The following MYRFL variants were observed in gnomAD, a reference collection of about 807,000 sequenced individuals.
The protein encoded by MYRFL is myelin regulatory factor like, also known as myelin regulatory factor-like protein.
MYRFL carries 88 observed loss-of-function variants against 109.4 expected under a neutral mutation model. The ratio of observed to expected loss-of-function variants is 0.80; its 90% CI spans 0.68 to 0.96. The LOEUF is 0.96. Among genes scored for constraint, MYRFL ranks in the 40% least tolerant of loss-of-function variants. MYRFL has a pLI of 0.00. For missense variants in MYRFL, 957 were observed against 954.9 expected, an observed-to-expected ratio of 1.00 and a Z score of -0.03; for synonymous variants, 324 against 320.9, an observed-to-expected ratio of 1.01 and a Z score of -0.10.
At chr12:69,828,812 A>G (rs1441076549) in intron 1 of MYRFL, among the ~76,000 whole-genome samples, 1 of 152,130 alleles carries the variant, frequency 6.6e-6, no homozygotes, top group Non-Finnish European at 1.5e-5. Flanking sequence ...AATTTGTACT[A>G]TCTTGATATC....
chr12:69,855,093 T>A (rs1015846156), intron 1 of MYRFL, among the ~76,000 whole-genome samples, 187 bp from the exon 2 acceptor site: 4 of 152,230 alleles, frequency 2.6e-5, no homozygotes, highest in Admixed American at 1.3e-4. Context: ...CCAACAAAAC[T>A]GCCATCCATC....
At chr12:69,882,810 A>C (rs1886212859) in intron 5 of MYRFL, among the ~76,000 whole-genome samples, 1 of 152,148 alleles carries the variant, frequency 6.6e-6, no homozygotes, top group African/African-American at 2.4e-5. Context: ...CTCAAATACA[A>C]AAGGGTTTTC....
At chr12:69,935,397 C>A (rs1955416163) in intron 16 of MYRFL, among the ~76,000 whole-genome samples, 1 of 152,096 alleles carries the variant, frequency 6.6e-6, no homozygotes, top group South Asian at 2.1e-4. Flanking sequence ...AAGATGTCCC[C>A]CAAAGAGGAG....
chr12:69,934,819 C>A (rs1955394957), intron 16 of MYRFL, among the ~76,000 whole-genome samples: 2 of 152,080 alleles, frequency 1.3e-5, no homozygotes, highest in South Asian at 2.1e-4. Flanking sequence ...GCACGGCAGG[C>A]CATAGGTAGT....
chr12:69,903,524 A>G, intron 10 of MYRFL, 120 bp from the exon 11 acceptor site: 2 of 1,132,842 alleles, frequency 1.8e-6, no homozygotes, highest in Non-Finnish European at 2.5e-6. Flanking sequence ...CCCACTCAAT[A>G]CAGGATTCTC....
chr12:69,877,936 AT>A (rs1885789158), intron 2 of MYRFL, among the ~76,000 whole-genome samples: 1 of 152,162 alleles, frequency 6.6e-6, no homozygotes, highest in Non-Finnish European at 1.5e-5. Context: ...GGTAGTACAC[AT>A]TTTTTTAAAA....
At chr12:69,846,296 G>A (rs558819446) in intron 1 of MYRFL, among the ~76,000 whole-genome samples, 579 of 150,540 alleles carry the variant, frequency 3.8e-3, no homozygotes, top group Non-Finnish European at 5.7e-3. Context: ...CCATTAACTC[G>A]TCATTTAGCA....
chr12:69,955,507 A>G (rs1393970523), intron 22 of MYRFL, 70 bp downstream of exon 22: 5 of 538,890 alleles, frequency 9.3e-6, no homozygotes, highest in African/African-American at 1.9e-5. Context: ...GATTTACTTC[A>G]CAATTTGGTC....
chr12:69,889,699 T>C, intron 6 of MYRFL, among the ~76,000 whole-genome samples: 1 of 151,970 alleles, frequency 6.6e-6, no homozygotes, highest in East Asian at 1.9e-4. Context: ...ACTAAAAAAA[T>C]ACAAAAATTG....
At chr12:69,849,945 TC>T (rs1883782415) in intron 1 of MYRFL, among the ~76,000 whole-genome samples, 1 of 152,176 alleles carries the variant, frequency 6.6e-6, no homozygotes, top group African/African-American at 2.4e-5. Flanking sequence ...GTGGTTTGGC[TC>T]TGTGTCCCCA....
At chr12:69,887,584 G>A (rs10879030) in intron 6 of MYRFL, among the ~76,000 whole-genome samples, 48,597 of 151,988 alleles carry the variant, frequency 0.32, 8,070 homozygotes, top group African/African-American at 0.37. Flanking sequence ...ACATCCTTTA[G>A]ACTTCTTTAT....
chr12:69,928,329 A>G (rs1344029668), intron 15 of MYRFL, among the ~76,000 whole-genome samples: 1 of 152,208 alleles, frequency 6.6e-6, no homozygotes, highest in Non-Finnish European at 1.5e-5. Flanking sequence ...GAGAAATATC[A>G]GTAAGGAAGA....
intron 2 of MYRFL, among the ~76,000 whole-genome samples, chr12:69,855,933 C>A (rs529611717): frequency 1.3e-5 from 2 of 152,158 alleles, no homozygotes; most frequent in South Asian, 4.1e-4. Flanking sequence ...TATAGGCACT[C>A]TGGCCTTTTT....
intron 10 of MYRFL, among the ~76,000 whole-genome samples, chr12:69,901,648 A>G (rs1954184039): frequency 6.6e-6 from 1 of 152,178 alleles, no homozygotes; most frequent in Non-Finnish European, 1.5e-5. Flanking sequence ...TATGTTCAAA[A>G]TAGAGAAAAA....
intron 1 of MYRFL, among the ~76,000 whole-genome samples, chr12:69,851,340 A>C (rs1883864123): frequency 6.6e-6 from 1 of 152,222 alleles, no homozygotes; most frequent in African/African-American, 2.4e-5. Flanking sequence ...TTATTTCTAA[A>C]ATCAAAGTTG....
At position 69,891,159 on chromosome 12, in the gene MYRFL, G is replaced by T. The variant is rs1203114281; in HGVS notation, c.896G>T (p.Gly299Val). 1 of 1,513,030 alleles carries T rather than the reference G, an allele frequency of 6.6e-7. No individual in the cohort carries two copies. 93.7% of individuals were successfully genotyped at this position (1,513,030 alleles called of 1,614,324 possible). The change falls in exon 7 of 25, where the codon GGC becomes GTC. Residue 299 changes from glycine (G) to valine (V), a missense_variant. By Grantham distance (109) the Gly-to-Val change is moderately radical. Transcript: ENST00000552032. ...GAAATGTTTTACTTGAAAGTTTTTG[G>T]CACTAAGGTATGTCTTTTATTTAGT... The part of the protein sequence containing the change: ...PIEMFYLKVF[G>V]TKVEATNQII...
rs1326762754 is a variant in MYRFL, at chr12:69,895,494, CTG to C, written c.1091+18_1091+19del. On this transcript the variant is annotated intron_variant, in intron 9 of 24. Coordinates refer to ENST00000552032, the MANE Select transcript of MYRFL (RefSeq NM_182530.3). ...ATCCAGACCAGAGGTACTGATGTCA[CTG>C]TGTGCATGGCAGTGTGGCTGGGTAC... 1.2e-5 allele frequency: 19 copies of C among 1,530,590 alleles called. No individual in the cohort carries two copies. The highest frequency in any genetic ancestry group is 3.5e-6 in the Non-Finnish European group (4 of 1,142,100). The allele number at this position is 1,530,590 out of a possible 1,614,324, so 94.8% of individuals were successfully genotyped here. A position where few individuals can be genotyped will look rare whatever the true frequency, so the allele number is the denominator to read the frequency against.
intron 1 of MYRFL, among the ~76,000 whole-genome samples, chr12:69,846,768 G>A (rs1326193188): frequency 3.3e-5 from 5 of 151,748 alleles, no homozygotes; most frequent in Non-Finnish European, 7.4e-5. Flanking sequence ...CTGAGGAATC[G>A]CCACACTGAC....
At chr12:69,909,372 A>C (rs573604643) in intron 11 of MYRFL, among the ~76,000 whole-genome samples, 1 of 152,322 alleles carries the variant, frequency 6.6e-6, no homozygotes, top group East Asian at 1.9e-4. Context: ...TTAAAACAAC[A>C]ATAACAAAAT....
Sources: allele counts gnomAD v4.1 joint callset (sites outside exome capture counted in the v4.1 genomes callset), GRCh38; gene constraint gnomAD v4.1.1; transcripts MANE v1.5; gene names NCBI Gene and HGNC (gene_info 2026-07-23, HGNC 2026-07-21).